The following C4orf51 variants were observed in gnomAD, a reference collection of about 807,000 sequenced individuals.
C4orf51 encodes the protein chromosome 4 open reading frame 51.
Under a neutral mutation model 25.2 loss-of-function variants are expected in C4orf51, and 25 were observed. That is an observed-to-expected ratio of 0.99 (90% CI 0.72 to 1.39). The LOEUF (loss-of-function observed/expected upper bound fraction) is 1.39, where lower values mean the gene tolerates loss of function less well. C4orf51 is among the 40% of genes most tolerant of loss of function. C4orf51 has a pLI of 0.00. For synonymous variants in C4orf51, 100 were observed against 84.5 expected (o/e 1.18, Z -1.01); for missense variants, 252 against 239.6 (o/e 1.05, Z -0.34).
intron 1 of C4orf51, among the ~76,000 whole-genome samples, chr4:145,693,863 C>T (rs1385168261): frequency 2.4e-5 from 3 of 126,974 alleles, no homozygotes; most frequent in African/African-American, 6.0e-5. Context: ...ACCTCCCTCC[C>T]GGACGGGGTG....
intron 3 of C4orf51, among the ~76,000 whole-genome samples, chr4:145,727,277 T>C (rs1732117783): frequency 6.6e-6 from 1 of 152,166 alleles, no homozygotes; most frequent in African/African-American, 2.4e-5. Context: ...AACTTTTCTC[T>C]GGCTGTAAAC....
intron 2 of C4orf51, among the ~76,000 whole-genome samples, chr4:145,716,822 AC>A (rs1731442872): frequency 6.6e-6 from 1 of 152,222 alleles, no homozygotes; most frequent in African/African-American, 2.4e-5. Context: ...TAAGCATAGT[AC>A]ATCTGAGGAG....
the C4orf51 span, among the ~76,000 whole-genome samples, chr4:145,776,607 T>C: frequency 2.0e-5 from 3 of 150,862 alleles, no homozygotes; most frequent in Non-Finnish European, 4.5e-5. Flanking sequence ...AGTGTGCATG[T>C]CTGTTTGTGT....
the C4orf51 span, among the ~76,000 whole-genome samples, chr4:145,777,217 A>G: frequency 0.03 from 4,608 of 152,318 alleles, 220 homozygotes; most frequent in African/African-American, 0.1. Context: ...CACTGTCCAG[A>G]TAAAATGTGT....
chr4:145,782,082 G>A, the C4orf51 span, among the ~76,000 whole-genome samples: 1 of 152,200 alleles, frequency 6.6e-6, no homozygotes, highest in Non-Finnish European at 1.5e-5. Context: ...AGTTGTCACG[G>A]GGCACCCATG....
intron 1 of C4orf51, among the ~76,000 whole-genome samples, chr4:145,683,829 G>T (rs1215914471): frequency 6.6e-6 from 1 of 152,108 alleles, no homozygotes; most frequent in East Asian, 1.9e-4. Context: ...ATGACTTTGG[G>T]TATGGCAATG....
At chr4:145,779,456 A>G in the C4orf51 span, 1 of 1,614,260 alleles carries the variant, frequency 6.2e-7, no homozygotes, top group South Asian at 1.1e-5. Context: ...AAAGCTGGTC[A>G]TTGAATTTCC....
At chr4:145,695,794 A>G (rs1012932190) in intron 1 of C4orf51, among the ~76,000 whole-genome samples, 2 of 152,254 alleles carry the variant, frequency 1.3e-5, no homozygotes, top group Non-Finnish European at 2.9e-5. Context: ...GTAAAAAGAA[A>G]ATGGGGTACA....
chr4:145,696,012 C>T (rs532425049), intron 1 of C4orf51, among the ~76,000 whole-genome samples: 18 of 152,328 alleles, frequency 1.2e-4, no homozygotes, highest in Admixed American at 1.1e-3. Context: ...CGCAGTGGCT[C>T]ATGCCTGTAA....
chr4:145,757,230 A>G (rs1350155901), downstream of C4orf51, among the ~76,000 whole-genome samples: 5 of 152,192 alleles, frequency 3.3e-5, no homozygotes, highest in East Asian at 1.9e-4. Flanking sequence ...TTAAAATCTC[A>G]TAGTTGCCCA....
Position 145,762,465 on chromosome 4 carries a change from C to G in C4orf51, n.167-8523C>G, listed in dbSNP as rs961459023. Among the ~76,000 whole-genome samples, 1 of 152,224 alleles carries G rather than the reference C, an allele frequency of 6.6e-6. No individual in the cohort carries two copies. The highest frequency in any genetic ancestry group is 2.4e-5 in the African/African-American group (1 of 41,448). On this transcript the variant is annotated intron_variant and non_coding_transcript_variant, in intron 1 of 1. Coordinates refer to the C4orf51 transcript ENST00000510096. The surrounding 1 kb of genome is among the most constrained non-coding windows in gnomAD (Gnocchi z 4.9). ...GGCAGGACCATATCTTACATTTCCT[C>G]TGCATTCTCTGCAGTGCTTGGTAGA...
intron 2 of C4orf51, among the ~76,000 whole-genome samples, chr4:145,707,141 G>A (rs775061299): frequency 1.3e-5 from 2 of 151,900 alleles, no homozygotes; most frequent in African/African-American, 4.8e-5. Flanking sequence ...GAGTTTCACT[G>A]TGTTAGCCAG....
At position 145,680,437 on chromosome 4, in the gene C4orf51, G is replaced by T. The variant is rs1447171946; in HGVS notation, c.233+1G>T. On this transcript the variant is annotated splice_donor_variant, in intron 1 of 5. Coordinates refer to ENST00000438731, the MANE Select transcript of C4orf51 (RefSeq NM_001080531.3). LOFTEE classifies it high-confidence loss of function. ...GACAGCATGAGCCTGAGTGTAAACA[G>T]TAAGATTTCTTTGTAATTTGCACCT... 6.2e-7 allele frequency: 1 copy of T among 1,610,358 alleles called. No individual in the cohort carries two copies. Among genetic ancestry groups the T allele is most frequent in the South Asian group, 1.1e-5 (1 of 90,814 alleles).
At chr4:145,710,928 C>T (rs1020098604) in intron 2 of C4orf51, among the ~76,000 whole-genome samples, 4 of 152,142 alleles carry the variant, frequency 2.6e-5, no homozygotes, top group Non-Finnish European at 5.9e-5. Flanking sequence ...AGAGGCAAAA[C>T]TTATCTGAGG....
At chr4:145,728,045 T>TAC (rs1439020096) in intron 3 of C4orf51, among the ~76,000 whole-genome samples, 13 of 127,608 alleles carry the variant, frequency 1.0e-4, no homozygotes, top group Admixed American at 1.7e-4. Context: ...ATAATATATA[T>TAC]ATACACACAC....
intron 1 of C4orf51, among the ~76,000 whole-genome samples, chr4:145,766,443 AG>A (rs1306501025): frequency 6.6e-6 from 1 of 152,240 alleles, no homozygotes; most frequent in African/African-American, 2.4e-5. Flanking sequence ...CCTGAGAGAC[AG>A]GAAACAAAAG....
At chr4:145,684,580 C>G (rs964202748) in intron 1 of C4orf51, among the ~76,000 whole-genome samples, 4 of 152,104 alleles carry the variant, frequency 2.6e-5, no homozygotes, top group Admixed American at 6.6e-5. Context: ...AAGGTGAACC[C>G]CTAAGGTAAA....
At chr4:145,740,570 T>C (rs576856382) in intron 1 of C4orf51, among the ~76,000 whole-genome samples, 47 of 152,348 alleles carry the variant, frequency 3.1e-4, no homozygotes, top group African/African-American at 1.1e-3. Flanking sequence ...GTTTTGAAAA[T>C]ACAGGTTTTC....
intron 1 of C4orf51, among the ~76,000 whole-genome samples, chr4:145,694,470 C>T (rs1381806596): frequency 4.0e-5 from 4 of 98,790 alleles, no homozygotes; most frequent in Non-Finnish European, 8.4e-5. Context: ...CCCCTCTGCC[C>T]GGCCAGCCGC....
Sources: allele counts gnomAD v4.1 joint callset (sites outside exome capture counted in the v4.1 genomes callset), GRCh38; gene constraint gnomAD v4.1.1; non-coding constraint Gnocchi (gnomAD v3.1); transcripts MANE v1.5; gene names NCBI Gene and HGNC (gene_info 2026-07-23, HGNC 2026-07-21).